BICDL1: variants seen among roughly 807,000 people sequenced by gnomAD.
The protein encoded by BICDL1 is BICD family-like cargo adapter 1.
In BICDL1, 20 loss-of-function variants were observed where a neutral mutation model predicts 76.8. That is an observed-to-expected ratio of 0.26 (90% confidence interval 0.18 to 0.38). The LOEUF (loss-of-function observed/expected upper bound fraction) is 0.38. Among genes scored for constraint, BICDL1 ranks in the 10% least tolerant of loss-of-function variants. The pLI is 1.00. For missense variants in BICDL1, 700 were observed against 798.6 expected (o/e 0.88, Z 1.49); for synonymous variants, 383 against 337.1 (o/e 1.14, Z -1.49).
rs546839677 is a variant in BICDL1, at chr12:120,052,504, G to A, written c.646-9206G>A. The stretch of plus-strand genomic sequence containing the variant: ...TAGATTGAGGTTATTCAGTCTTGCC[G>A]AGAATAGCACAAAAGTACAGTTGGG... On this transcript the variant is annotated intron_variant, in intron 2 of 9. Transcript: ENST00000548673. Among the ~76,000 whole-genome samples the A allele has an allele frequency of 1.4e-4, 21 of 152,102 alleles. 2 individuals carry two copies. The highest frequency in any genetic ancestry group is 6.2e-4 in the South Asian group (3 of 4,824).
intron 6 of BICDL1, among the ~76,000 whole-genome samples, 140 bp from the exon 7 acceptor site, chr12:120,074,290 TACTATCTTTCCCC>T (rs763063165): frequency 6.2e-4 from 94 of 152,152 alleles, no homozygotes; most frequent in South Asian, 8.3e-4. Context: ...TCATCTTCCC[TACTATCTTTCCCC>T]ACTATCTTTC....
At chr12:120,037,584 T>C (rs1454901863) in intron 2 of BICDL1, among the ~76,000 whole-genome samples, 4 of 152,178 alleles carry the variant, frequency 2.6e-5, no homozygotes, top group Non-Finnish European at 5.9e-5. Flanking sequence ...ACTTTATACC[T>C]GAAAGCTTCC....
intron 2 of BICDL1, among the ~76,000 whole-genome samples, chr12:120,016,434 CTTTTTTTTT>C (rs1174613877): frequency 1.0e-5 from 1 of 95,870 alleles, no homozygotes; most frequent in African/African-American, 4.3e-5. Flanking sequence ...TGTCTGTAAC[CTTTTTTTTT>C]TTTTTTTTTT....
intron 2 of BICDL1, among the ~76,000 whole-genome samples, chr12:119,999,062 GAAAAA>G (rs10658480): frequency 2.1e-5 from 2 of 95,260 alleles, no homozygotes; most frequent in African/African-American, 7.8e-5. Flanking sequence ...GCCTGTCTCG[GAAAAA>G]AAAAAAAAAA....
At chr12:120,072,199 C>T (rs1221422148) in intron 5 of BICDL1, among the ~76,000 whole-genome samples, 1 of 152,164 alleles carries the variant, frequency 6.6e-6, no homozygotes, top group African/African-American at 2.4e-5. Flanking sequence ...TAATACAGAA[C>T]CATTCATTCC....
Position 119,989,888 on chromosome 12 carries a change from G to A in BICDL1, c.20G>A (p.Gly7Asp). The change falls in exon 1 of 10, where the codon GGC (glycine) becomes GAC (aspartate). Residue 7 changes from glycine to aspartate, a missense_variant. Physicochemically the swap from Gly to Asp is moderately conservative, Grantham distance 94. Coordinates refer to ENST00000548673, the MANE Select transcript of BICDL1 (RefSeq NM_001367886.1). ...CGGGCCATGTCCGCTTTCTGCCTGG[G>A]CTTGGTCGGCCGCGCTTCAGCACCC... MSAFCL[G>D]LVGRASAPAE... is the part of the protein sequence containing the mutation. 1 of 1,437,706 alleles carries A rather than the reference G, an allele frequency of 7.0e-7. No individual in the cohort carries two copies. The highest frequency in any genetic ancestry group is 1.5e-5 in the African/African-American group (1 of 66,584). 89.1% of individuals were successfully genotyped at this position (1,437,706 alleles called of 1,614,324 possible). A position where few individuals can be genotyped will look rare whatever the true frequency, so the allele number is the denominator to read the frequency against.
At chr12:120,035,708 T>C (rs1009022211) in intron 2 of BICDL1, among the ~76,000 whole-genome samples, 1 of 152,162 alleles carries the variant, frequency 6.6e-6, no homozygotes, top group Non-Finnish European at 1.5e-5. Flanking sequence ...AACATACATA[T>C]TAATGAAATG....
chr12:119,997,945 C>G (rs1279295933), intron 1 of BICDL1, among the ~76,000 whole-genome samples: 2 of 152,188 alleles, frequency 1.3e-5, no homozygotes, highest in East Asian at 1.9e-4. Context: ...AAAACCCCAT[C>G]TCTACTGAAA....
In BICDL1 at chr12:120,094,027, T is replaced by C; in HGVS notation, c.*866T>C. The C allele has an allele frequency of 2.7e-6, 1 of 365,372 alleles. No homozygotes were observed. The highest frequency in any genetic ancestry group is 2.0e-5 in the South Asian group (1 of 50,794). The allele number at this position is 365,372 out of a possible 1,614,324, so 22.6% of individuals were successfully genotyped here. On this transcript the variant is annotated 3_prime_UTR_variant, in exon 10 of 10. Transcript: ENST00000548673. ...GCCTAGCCAAACAAGTCCAGGCCAC[T>C]GAATGGCACCAGAGGGGTCTGTGGT...
chr12:120,085,503 G>C (rs1874334984), intron 8 of BICDL1, among the ~76,000 whole-genome samples: 1 of 152,156 alleles, frequency 6.6e-6, no homozygotes. Flanking sequence ...TGCTTATCGT[G>C]GAAGTCCACT....
chr12:120,027,504 A>ATTAGGTGTTGT (rs1952331692), intron 2 of BICDL1, among the ~76,000 whole-genome samples: 1 of 152,120 alleles, frequency 6.6e-6, no homozygotes, highest in Non-Finnish European at 1.5e-5. Context: ...GGGAAATTGA[A>ATTAGGTGTTGT]TTAGGTGTTG....
intron 3 of BICDL1, 172 bp from the exon 4 acceptor site, chr12:120,064,561 G>T (rs1566254110): frequency 1.9e-6 from 1 of 521,374 alleles, no homozygotes; most frequent in Non-Finnish European, 3.1e-6. Flanking sequence ...GAGGGGAGGG[G>T]TTTTCTCTTC....
intron 2 of BICDL1, among the ~76,000 whole-genome samples, chr12:120,039,160 G>GGT (rs985772757): frequency 2.0e-5 from 3 of 151,714 alleles, no homozygotes; most frequent in African/African-American, 7.3e-5. Flanking sequence ...AGCCAGGCAT[G>GGT]GTGGCGGGTG....
intron 2 of BICDL1, among the ~76,000 whole-genome samples, chr12:120,049,579 T>C (rs1280120211): frequency 2.0e-5 from 3 of 152,154 alleles, no homozygotes; most frequent in African/African-American, 7.2e-5. Context: ...GATTTCGTTT[T>C]ATTTCTTCTG....
chr12:119,989,755 G>A lies in BICDL1; in HGVS notation c.-114G>A. The A allele has an allele frequency of 3.1e-6, 1 of 319,686 alleles. No homozygotes were observed. Among genetic ancestry groups the A allele is most frequent in the Non-Finnish European group, 4.4e-6 (1 of 225,262 alleles). 19.8% of individuals were successfully genotyped at this position (319,686 alleles called of 1,614,324 possible). A position where few individuals can be genotyped will look rare whatever the true frequency, so the allele number is the denominator to read the frequency against. On this transcript the variant is annotated 5_prime_UTR_variant, in exon 1 of 10. Coordinates refer to ENST00000548673, the MANE Select transcript of BICDL1 (RefSeq NM_001367886.1). The stretch of plus-strand genomic sequence containing the variant: ...GGCTCGCGGGGACCCGGGGGCGCGT[G>A]CCGCGGCGCGAGGCGAGGCGCGGGA...
At position 120,071,330 on chromosome 12, in the gene BICDL1, C is replaced by T. The variant is rs1283309672; in HGVS notation, c.910-292C>T. Among the ~76,000 whole-genome samples the T allele has an allele frequency of 1.3e-5, 2 of 150,562 alleles. No individual in the cohort carries two copies. The highest frequency in any genetic ancestry group is 4.9e-5 in the African/African-American group (2 of 40,868). On this transcript the variant is annotated intron_variant, in intron 4 of 9. Transcript: ENST00000548673. The surrounding 1 kb of genome is among the most constrained non-coding windows in gnomAD (Gnocchi z 4.8). ...CTAATTTTTGTATTTTTAGTAGAGG[C>T]AGGGTTTCATCATGTTGGCCAGGCT...
At chr12:120,088,724 T>G (rs895792348) in intron 8 of BICDL1, among the ~76,000 whole-genome samples, 5 of 151,332 alleles carry the variant, frequency 3.3e-5, no homozygotes, top group African/African-American at 1.2e-4. Flanking sequence ...TGCAGTGCAG[T>G]GGCGCGATCT....
chr12:120,036,232 G>C (rs1175406054), intron 2 of BICDL1, among the ~76,000 whole-genome samples: 1 of 152,206 alleles, frequency 6.6e-6, no homozygotes, highest in African/African-American at 2.4e-5. Flanking sequence ...ATCTTTGACA[G>C]CTTCTCCAAT....
Position 119,989,847 on chromosome 12 carries a change from G to C in BICDL1, c.-22G>C. 1 of 1,314,300 alleles carries C rather than the reference G, an allele frequency of 7.6e-7. No individual in the cohort carries two copies. The highest frequency in any genetic ancestry group is 4.3e-5 in the Admixed American group (1 of 23,030). The allele number at this position is 1,314,300 out of a possible 1,614,324, so 81.4% of individuals were successfully genotyped here. On this transcript the variant is annotated 5_prime_UTR_variant, in exon 1 of 10. Coordinates refer to ENST00000548673, the MANE Select transcript of BICDL1 (RefSeq NM_001367886.1). The stretch of plus-strand genomic sequence containing the variant: ...CGCGCGCGGGCCGGGCCGCACCGCT[G>C]CGGGCTCCGCGCGCGCGGGCCATGT...
Sources: allele counts gnomAD v4.1 joint callset (sites outside exome capture counted in the v4.1 genomes callset), GRCh38; gene constraint gnomAD v4.1.1; non-coding constraint Gnocchi (gnomAD v3.1); transcripts MANE v1.5; gene names NCBI Gene and HGNC (gene_info 2026-07-23, HGNC 2026-07-21).